The following ELF1 variants were observed in gnomAD, a reference collection of about 807,000 sequenced individuals.
ELF1 encodes the protein E74 like ETS transcription factor 1, also known as ETS-related transcription factor Elf-1.
ELF1 carries 24 observed loss-of-function variants against 59.9 expected under a neutral mutation model. The observed-to-expected ratio is 0.40, with a 90% CI of 0.29 to 0.56. The LOEUF (loss-of-function observed/expected upper bound fraction) is 0.56, where lower values mean the gene tolerates loss of function less well. Among genes scored for constraint, ELF1 ranks in the 20% least tolerant of loss-of-function variants. The pLI, the probability that ELF1 is intolerant of heterozygous loss-of-function variation, is 0.44. For synonymous variants in ELF1, 248 were observed against 266.2 expected, an observed-to-expected ratio of 0.93 and a Z score of 0.67; for missense variants, 627 against 742.2, an observed-to-expected ratio of 0.84 and a Z score of 1.80.
intron 8 of ELF1, among the ~76,000 whole-genome samples, chr13:40,935,287 A>G (rs1253045537): frequency 6.6e-6 from 1 of 152,212 alleles, no homozygotes; most frequent in Non-Finnish European, 1.5e-5. Flanking sequence ...AATTCTGTAA[A>G]GTTATTTAAT....
exon 1 of ELF1, chr13:41,061,316 G>T: frequency 2.5e-6 from 1 of 394,374 alleles, no homozygotes; most frequent in South Asian, 2.9e-5. Context: ...AGGACACAGA[G>T]ACGGCGGGAT....
chr13:40,949,678 T>C (rs1870725332), intron 5 of ELF1, 128 bp downstream of exon 5: 2 of 1,171,584 alleles, frequency 1.7e-6, no homozygotes, highest in Non-Finnish European at 2.4e-6. Flanking sequence ...TAATTTCCAT[T>C]TTGTGCCTTC....
intron 1 of ELF1, among the ~76,000 whole-genome samples, chr13:41,013,491 A>G (rs948522773): frequency 3.3e-5 from 5 of 152,216 alleles, no homozygotes; most frequent in African/African-American, 7.2e-5. Flanking sequence ...TCATGTGTAT[A>G]AAGTTCAAAG....
At chr13:40,993,027 C>G in intron 1 of ELF1, 2 of 1,559,808 alleles carry the variant, frequency 1.3e-6, no homozygotes, top group Admixed American at 1.7e-5. Flanking sequence ...GTATTCTGTT[C>G]AGAGGAACTC....
intron 1 of ELF1, among the ~76,000 whole-genome samples, chr13:41,057,333 A>T (rs1234587055): frequency 2.0e-5 from 3 of 147,044 alleles, no homozygotes; most frequent in African/African-American, 7.5e-5. Context: ...ATTTTTTTTT[A>T]ATTTTATTTT....
At chr13:41,060,914 T>TGCCGCTGCC (rs1555283652) in exon 1 of ELF1, 10 of 344,862 alleles carry the variant, frequency 2.9e-5, no homozygotes, top group African/African-American at 1.6e-4. Context: ...AAGCTGCTGC[T>TGCCGCTGCC]GCCGCCGCCG....
intron 1 of ELF1, among the ~76,000 whole-genome samples, chr13:41,035,245 G>C (rs1876326777): frequency 6.6e-6 from 1 of 152,182 alleles, no homozygotes; most frequent in African/African-American, 2.4e-5. Context: ...TACTCTGCTA[G>C]AATACCTGGT....
intron 1 of ELF1, among the ~76,000 whole-genome samples, chr13:41,011,506 C>T (rs189462501): frequency 4.6e-4 from 70 of 152,086 alleles, no homozygotes; most frequent in Admixed American, 4.3e-3. Context: ...TATAGTGGCA[C>T]GAACATGCCT....
At chr13:40,963,080 A>T (rs1405446956) in intron 2 of ELF1, among the ~76,000 whole-genome samples, 1 of 152,214 alleles carries the variant, frequency 6.6e-6, no homozygotes, top group Admixed American at 6.5e-5. Context: ...CACTCTATTT[A>T]ATCATCACAA....
intron 1 of ELF1, chr13:40,982,948 A>T: frequency 1.2e-6 from 1 of 838,782 alleles, no homozygotes; most frequent in Non-Finnish European, 1.4e-6. Context: ...CAGGAAGGAA[A>T]CAGCACTTGA....
chr13:41,054,752 T>C (rs994950984), intron 1 of ELF1, among the ~76,000 whole-genome samples: 1 of 152,186 alleles, frequency 6.6e-6, no homozygotes, highest in Non-Finnish European at 1.5e-5. Context: ...TGTCAAGGCC[T>C]AATGGAGTGG....
chr13:41,055,683 A>G (rs1877261837), intron 1 of ELF1, among the ~76,000 whole-genome samples: 1 of 151,968 alleles, frequency 6.6e-6, no homozygotes. Flanking sequence ...TTCCATTATT[A>G]TTTTAATTTT....
rs1166292404 is a variant in ELF1, at chr13:40,932,147, G to A, written c.*1278C>T. 6.6e-6 allele frequency: 1 copy of A among 151,898 alleles called. No homozygotes were observed. The highest frequency in any genetic ancestry group is 1.5e-5 in the Non-Finnish European group (1 of 68,006). The allele number at this position is 151,898 out of a possible 1,614,324, so 9.4% of individuals were successfully genotyped here. On this transcript the variant is annotated 3_prime_UTR_variant, in exon 9 of 9. Coordinates refer to ENST00000239882, the MANE Select transcript of ELF1 (RefSeq NM_172373.4). ...ATTCACTCTGTAATATGAAAACATA[G>A]CATTAGACCTCTAAACATAATGATT...
At chr13:40,956,571 C>CAAAAAAAAAAAAAAA (rs34245662) in intron 3 of ELF1, among the ~76,000 whole-genome samples, 1 of 76,142 alleles carries the variant, frequency 1.3e-5, no homozygotes, top group Non-Finnish European at 2.7e-5. Flanking sequence ...CAAGAATGAT[C>CAAAAAAAAAAAAAAA]AAAAAAAAAA....
chr13:40,967,789 C>T (rs1872274483), intron 2 of ELF1, among the ~76,000 whole-genome samples: 1 of 151,480 alleles, frequency 6.6e-6, no homozygotes, highest in Non-Finnish European at 1.5e-5. Context: ...TGAGGTCTCT[C>T]TATGTTGCCC....
intron 5 of ELF1, among the ~76,000 whole-genome samples, chr13:40,944,278 C>T (rs914834086): frequency 6.6e-5 from 10 of 152,136 alleles, no homozygotes; most frequent in African/African-American, 2.4e-4. Context: ...ATTGGTAGAA[C>T]GTGGGCTCCA....
chr13:41,031,504 T>C (rs2138407567), intron 1 of ELF1, among the ~76,000 whole-genome samples: 1 of 151,990 alleles, frequency 6.6e-6, no homozygotes, highest in East Asian at 1.9e-4. Flanking sequence ...GAACAAAAAA[T>C]CAAACTGAGG....
intron 2 of ELF1, 97 bp downstream of exon 2, chr13:40,981,886 A>C (rs1873291769): frequency 7.4e-7 from 1 of 1,360,334 alleles, no homozygotes; most frequent in Non-Finnish European, 9.8e-7. Context: ...CTTTCAATAA[A>C]GTTTCTCTCA....
intron 2 of ELF1, among the ~76,000 whole-genome samples, chr13:40,962,994 A>G (rs2138208743): frequency 6.6e-6 from 1 of 152,370 alleles, no homozygotes; most frequent in South Asian, 2.1e-4. Flanking sequence ...CACTGTGGCC[A>G]CATAGCTGCT....
Sources: allele counts gnomAD v4.1 joint callset (sites outside exome capture counted in the v4.1 genomes callset), GRCh38; gene constraint gnomAD v4.1.1; transcripts MANE v1.5; gene names NCBI Gene and HGNC (gene_info 2026-07-23, HGNC 2026-07-21).